Variants in PHF14 observed in about 807,000 individuals in gnomAD.
PHF14 encodes PHD finger protein 14.
PHF14 carries 55 observed loss-of-function variants against 117.9 expected under a neutral mutation model. The ratio of observed to expected loss-of-function variants is 0.47; its 90% confidence interval spans 0.38 to 0.58. The LOEUF is 0.58. PHF14 is among the 20% of genes least tolerant of loss of function. The pLI is 0.00. For synonymous variants in PHF14, 409 were observed against 368.6 expected (o/e 1.11, Z -1.26); for missense variants, 978 against 1,122.2 (o/e 0.87, Z 1.84).
intron 16 of PHF14, among the ~76,000 whole-genome samples, chr7:11,084,513 C>G (rs1369621965): frequency 6.8e-6 from 1 of 146,434 alleles, no homozygotes; most frequent in Non-Finnish European, 1.5e-5. Flanking sequence ...TTTTTTTTAA[C>G]TTCACAATGC....
chr7:10,982,098 C>T (rs1191927751), intron 2 of PHF14, among the ~76,000 whole-genome samples: 1 of 152,104 alleles, frequency 6.6e-6, no homozygotes, highest in Non-Finnish European at 1.5e-5. Context: ...CCATATGACA[C>T]AAATTAGTGC....
chr7:11,091,245 G>GA (rs1380989563), intron 16 of PHF14, among the ~76,000 whole-genome samples: 2 of 152,072 alleles, frequency 1.3e-5, no homozygotes, highest in Admixed American at 1.3e-4. Context: ...GATAATTAAT[G>GA]AAAAATGGAA....
chr7:11,047,130 A>G (rs1020406993), intron 13 of PHF14, among the ~76,000 whole-genome samples: 12 of 151,210 alleles, frequency 7.9e-5, no homozygotes, highest in African/African-American at 2.9e-4. Flanking sequence ...GTGCAGTGGC[A>G]CAATCGCAAC....
intron 3 of PHF14, among the ~76,000 whole-genome samples, chr7:10,985,867 G>C (rs1403873227): frequency 6.6e-6 from 1 of 151,954 alleles, no homozygotes; most frequent in East Asian, 1.9e-4. Context: ...TGGCCAGGCT[G>C]TTCTCCAACT....
chr7:11,081,937 G>A (rs1243588986), intron 16 of PHF14, among the ~76,000 whole-genome samples: 1 of 151,804 alleles, frequency 6.6e-6, no homozygotes, highest in African/African-American at 2.4e-5. Flanking sequence ...ATCTTCATAG[G>A]TTTTTGATAG....
chr7:11,077,758 A>G (rs1008536344), intron 16 of PHF14, among the ~76,000 whole-genome samples: 2 of 152,072 alleles, frequency 1.3e-5, no homozygotes, highest in Non-Finnish European at 2.9e-5. Flanking sequence ...ATATTTTGAG[A>G]GGCAGGTTCA....
chr7:10,997,788 G>C (rs1250654439), intron 4 of PHF14, among the ~76,000 whole-genome samples: 2 of 152,234 alleles, frequency 1.3e-5, no homozygotes, highest in African/African-American at 4.8e-5. Flanking sequence ...GCTGGCTTCA[G>C]AGTAAGTGAT....
intron 14 of PHF14, among the ~76,000 whole-genome samples, chr7:11,060,116 G>T (rs1490603805): frequency 6.6e-6 from 1 of 152,142 alleles, no homozygotes; most frequent in Admixed American, 6.6e-5. Context: ...AGCTCAAGCA[G>T]TCTTCCCCGC....
At chr7:10,978,397 A>G (rs1781940446) in intron 2 of PHF14, among the ~76,000 whole-genome samples, 1 of 152,170 alleles carries the variant, frequency 6.6e-6, no homozygotes, top group Non-Finnish European at 1.5e-5. Context: ...ATGTAGAACA[A>G]TTTCATTGAG....
At chr7:10,976,924 G>C (rs1456226982) in intron 2 of PHF14, among the ~76,000 whole-genome samples, 3 of 150,584 alleles carry the variant, frequency 2.0e-5, no homozygotes, top group Non-Finnish European at 4.4e-5. Flanking sequence ...AAATTTGTAT[G>C]TATAGTTCTT....
intron 4 of PHF14, among the ~76,000 whole-genome samples, chr7:11,010,645 T>C (rs886368669): frequency 3.9e-5 from 6 of 151,910 alleles, no homozygotes; most frequent in South Asian, 2.1e-4. Flanking sequence ...CATATATATA[T>C]ACACACACAC....
intron 16 of PHF14, among the ~76,000 whole-genome samples, chr7:11,079,200 C>G (rs889158408): frequency 6.6e-6 from 1 of 152,126 alleles, no homozygotes; most frequent in Non-Finnish European, 1.5e-5. Flanking sequence ...TCTAATTCTG[C>G]TCTATGTCTC....
At chr7:11,078,179 T>C (rs1337651572) in intron 16 of PHF14, among the ~76,000 whole-genome samples, 8 of 152,196 alleles carry the variant, frequency 5.3e-5, no homozygotes, top group Admixed American at 1.3e-4. Flanking sequence ...CTAGGTGGCA[T>C]GTGTGTCATT....
At chr7:10,981,114 G>C (rs17149830) in intron 2 of PHF14, among the ~76,000 whole-genome samples, 2,182 of 152,184 alleles carry the variant, frequency 0.014, 53 homozygotes, top group East Asian at 0.11. Flanking sequence ...GACTTGTGGG[G>C]TTCACTAGAT....
At chr7:11,021,583 G>T (rs1419401313) in intron 5 of PHF14, among the ~76,000 whole-genome samples, 1 of 152,148 alleles carries the variant, frequency 6.6e-6, no homozygotes, top group African/African-American at 2.4e-5. Context: ...CAAGCAGCCA[G>T]CTGTTAGGTT....
At chr7:11,034,446 G>C (rs1452111599) in intron 7 of PHF14, among the ~76,000 whole-genome samples, 1 of 150,958 alleles carries the variant, frequency 6.6e-6, no homozygotes, top group Non-Finnish European at 1.5e-5. Context: ...GTTAGGCTAT[G>C]AGAGAGCTGT....
At chr7:11,042,927 T>C (rs1395750318) in intron 13 of PHF14, 113 bp downstream of exon 13, 3 of 714,864 alleles carry the variant, frequency 4.2e-6, no homozygotes, top group African/African-American at 3.7e-5. Context: ...ATTTTAAAAT[T>C]GACTGTCATC....
intron 13 of PHF14, among the ~76,000 whole-genome samples, chr7:11,048,961 CCTAA>C (rs890396138): frequency 1.3e-5 from 2 of 151,954 alleles, no homozygotes; most frequent in African/African-American, 2.4e-5. Context: ...TTCTTTGTCA[CCTAA>C]CTATTATTTA....
At chr7:11,069,451 C>G (rs1463675549) in intron 16 of PHF14, among the ~76,000 whole-genome samples, 1 of 152,158 alleles carries the variant, frequency 6.6e-6, no homozygotes, top group Non-Finnish European at 1.5e-5. Context: ...CTGGGCTCTT[C>G]CATCCCCTCT....
Sources: allele counts gnomAD v4.1 joint callset (sites outside exome capture counted in the v4.1 genomes callset), GRCh38; gene constraint gnomAD v4.1.1; transcripts MANE v1.5; gene names NCBI Gene and HGNC (gene_info 2026-07-23, HGNC 2026-07-21).